Variants in BCL2L13 observed in about 807,000 individuals in gnomAD.
The protein encoded by BCL2L13 is BCL2 like 13, also known as bcl-2-like protein 13.
BCL2L13 carries 13 observed loss-of-function variants against 25.8 expected under a neutral mutation model. That is an observed-to-expected ratio of 0.50 (90% CI 0.33 to 0.80). BCL2L13 has a LOEUF of 0.80. Ranked by LOEUF, BCL2L13 falls within the 30% of genes least tolerant of loss-of-function variation. The pLI, the probability that BCL2L13 is intolerant of heterozygous loss-of-function variation, is 0.02. For synonymous variants in BCL2L13, 244 were observed against 230.3 expected, an observed-to-expected ratio of 1.06 and a Z score of -0.54; for missense variants, 504 against 574.9, an observed-to-expected ratio of 0.88 and a Z score of 1.26.
chr22:17,643,917 T>G (rs988401239), intron 1 of BCL2L13, among the ~76,000 whole-genome samples: 28 of 146,326 alleles, frequency 1.9e-4, no homozygotes, highest in African/African-American at 7.7e-4. Context: ...CCGGCCAACT[T>G]TTTTATTTTG....
rs755534078 is a variant in BCL2L13 at position 17,726,658 on chromosome 22, G to C, written c.601-19G>C. ...ATAGTTACCATTCTTTATTATTGAC[G>C]CTTGTCCTTCGTTTCTAGGGCACTG... On this transcript the variant is annotated intron_variant, in intron 6 of 6. Coordinates refer to ENST00000317582, the MANE Select transcript of BCL2L13 (RefSeq NM_015367.4). 4 of 1,597,448 alleles carry C rather than the reference G, an allele frequency of 2.5e-6. No individual in the cohort carries two copies. The highest frequency in any genetic ancestry group is 1.7e-6 in the Non-Finnish European group (2 of 1,168,754).
chr22:17,644,475 G>C (rs552962499), intron 1 of BCL2L13, among the ~76,000 whole-genome samples: 2 of 150,368 alleles, frequency 1.3e-5, no homozygotes, highest in South Asian at 4.2e-4. Context: ...GGGACTACAA[G>C]TGCGTGCCAC....
chr22:17,722,405 GTGTGTGTGTGTGTGTA>G, intron 6 of BCL2L13, among the ~76,000 whole-genome samples: 4 of 151,490 alleles, frequency 2.6e-5, no homozygotes, highest in African/African-American at 9.8e-5. Flanking sequence ...GTGTGTGTGT[GTGTGTGTGTGTGTGTA>G]TGTAGAGATG....
At chr22:17,662,912 C>T (rs2059118912) in intron 2 of BCL2L13, among the ~76,000 whole-genome samples, 1 of 152,156 alleles carries the variant, frequency 6.6e-6, no homozygotes, top group South Asian at 2.1e-4. Context: ...CTCTCTCTTG[C>T]CCAGGCTGGT....
At chr22:17,655,540 G>A (rs2058827980) in intron 1 of BCL2L13, 122 bp from the exon 2 acceptor site, 1 of 675,424 alleles carries the variant, frequency 1.5e-6, no homozygotes, top group Admixed American at 3.9e-5. Flanking sequence ...CTGCACTCCT[G>A]CCTGAGCGAC....
At chr22:17,660,016 G>A (rs2059015868) in intron 2 of BCL2L13, among the ~76,000 whole-genome samples, 1 of 145,456 alleles carries the variant, frequency 6.9e-6, no homozygotes, top group South Asian at 2.1e-4. Context: ...CCACTGCGCC[G>A]AGCTCATTTT....
chr22:17,649,837 A>T (rs1306751190), intron 1 of BCL2L13, among the ~76,000 whole-genome samples: 2 of 145,054 alleles, frequency 1.4e-5, no homozygotes, highest in Non-Finnish European at 3.0e-5. Flanking sequence ...GATTGTTATT[A>T]ATTTTATCTA....
At chr22:17,694,999 AG>A (rs2060220304) in intron 4 of BCL2L13, among the ~76,000 whole-genome samples, 1 of 152,146 alleles carries the variant, frequency 6.6e-6, no homozygotes, top group African/African-American at 2.4e-5. Context: ...ACGAGAGAAA[AG>A]TTCCTTTGGC....
chr22:17,689,246 T>A (rs2060034508), intron 4 of BCL2L13, 104 bp downstream of exon 4: 3 of 972,508 alleles, frequency 3.1e-6, no homozygotes, highest in Admixed American at 5.9e-5. Flanking sequence ...CAGTGTCACT[T>A]CTTTTCTCAC....
At chr22:17,678,175 A>G (rs1208941937) in intron 2 of BCL2L13, among the ~76,000 whole-genome samples, 3 of 152,090 alleles carry the variant, frequency 2.0e-5, no homozygotes, top group African/African-American at 4.8e-5. Flanking sequence ...GGAACATGCC[A>G]CTGTGCTCAG....
Position 17,727,421 on chromosome 22 carries a change from A to T in BCL2L13, c.1345A>T (p.Met449Leu). ...GTCTAGACTGTCCCCCGCCGGTGAGATGAAGCCCATGCCGCTGTCTGAGGG... is the reference window on the plus strand; with the variant it reads ...GTCTAGACTGTCCCCCGCCGGTGAGTTGAAGCCCATGCCGCTGTCTGAGGG... ...GKSRLSPAGE[M>L]KPMPLSEGKS... Residue 449 changes from methionine to leucine, a missense_variant, in exon 7 of 7, where the codon ATG (methionine) becomes TTG (leucine). Met to Leu is a conservative substitution (Grantham distance 15). Coordinates refer to ENST00000317582, the MANE Select transcript of BCL2L13 (RefSeq NM_015367.4). 6.2e-7 allele frequency: 1 copy of T among 1,614,196 alleles called. No individual in the cohort carries two copies. The highest frequency in any genetic ancestry group is 2.2e-5 in the East Asian group (1 of 44,872).
At position 17,641,957 on chromosome 22, in the gene BCL2L13, G is replaced by A. The variant is rs558401161; in HGVS notation, c.-51+3071G>A. ...TGGGACTACAGGCGCCCGCCACCAC[G>A]CCCGGCTGATTTTTTGTATTTTTAG... On this transcript the variant is annotated intron_variant, in intron 1 of 6. Transcript: ENST00000317582. 1.3e-3 allele frequency among the ~76,000 whole-genome samples: 192 copies of A among 151,272 alleles called. 1 individual carries two copies. Among genetic ancestry groups the A allele is most frequent in the African/African-American group, 4.3e-3 (176 of 41,228 alleles).
intron 2 of BCL2L13, 138 bp downstream of exon 2, chr22:17,655,970 C>T (rs1170581199): frequency 1.8e-5 from 15 of 831,044 alleles, no homozygotes; most frequent in East Asian, 3.0e-5. Context: ...GGGCTGGGCG[C>T]GGTGGCTCAC....
intron 6 of BCL2L13, among the ~76,000 whole-genome samples, chr22:17,704,171 C>T (rs899339973): frequency 6.6e-6 from 1 of 152,100 alleles, no homozygotes; most frequent in Non-Finnish European, 1.5e-5. Flanking sequence ...CTGCAGCCTC[C>T]GCCTCCCAGG....
At chr22:17,720,077 C>G (rs2061069817) in intron 6 of BCL2L13, among the ~76,000 whole-genome samples, 1 of 151,846 alleles carries the variant, frequency 6.6e-6, no homozygotes, top group South Asian at 2.1e-4. Flanking sequence ...AATTTTCTGG[C>G]AATTGTAATG....
chr22:17,725,207 T>G (rs1488468846), intron 6 of BCL2L13, among the ~76,000 whole-genome samples: 1 of 152,250 alleles, frequency 6.6e-6, no homozygotes, highest in African/African-American at 2.4e-5. Context: ...ATTATAATTT[T>G]GTACCTCAGA....
At chr22:17,644,727 TTTCG>T in intron 1 of BCL2L13, among the ~76,000 whole-genome samples, 1 of 151,634 alleles carries the variant, frequency 6.6e-6, no homozygotes, top group Middle Eastern at 3.4e-3. Flanking sequence ...GTGTTTTGGT[TTTCG>T]TTCTGTGAGG....
At position 17,726,908 on chromosome 22, in the gene BCL2L13, C is replaced by T; in HGVS notation, c.832C>T (p.Gln278Ter). The part of the protein sequence containing the change: ...PVSLGPESWQ[Q>*]IAMDPEEVKS... ...GTCACTAGGCCCTGAGTCCTGGCAG[C>T]AGATTGCAATGGATCCTGAAGAAGT... The change falls in exon 7 of 7, where the codon CAG (glutamine) becomes TAG (stop). Residue 278 changes from glutamine (Q) to a stop codon, truncating the protein, a stop_gained. Transcript: ENST00000317582. LOFTEE classifies it low-confidence loss of function (END_TRUNC). The T allele has an allele frequency of 6.2e-7, 1 of 1,614,208 alleles. No homozygotes were observed. The highest frequency in any genetic ancestry group is 1.1e-5 in the South Asian group (1 of 91,082).
intron 1 of BCL2L13, among the ~76,000 whole-genome samples, chr22:17,646,955 A>ATATATTTTTTTT (rs768488873): frequency 4.5e-5 from 1 of 22,188 alleles, no homozygotes; most frequent in Non-Finnish European, 7.7e-5. Flanking sequence ...ATATATATAT[A>ATATATTTTTTTT]TTTTTTTTTT....
Sources: gnomAD v4.1 joint callset for allele counts (sites outside exome capture counted in the v4.1 genomes callset) on GRCh38, gnomAD v4.1.1 for gene constraint, MANE v1.5 for transcripts, NCBI Gene and HGNC (gene_info 2026-07-23, HGNC 2026-07-21) for gene names.